SEM1: variants seen among roughly 807,000 people sequenced by gnomAD.
The protein encoded by SEM1 is 26S proteasome complex subunit SEM1.
Under a neutral mutation model 12.7 loss-of-function variants are expected in SEM1, and 3 were observed. That is an observed-to-expected ratio of 0.24 (90% CI 0.11 to 0.61). The LOEUF (loss-of-function observed/expected upper bound fraction) is 0.61, where lower values mean the gene tolerates loss of function less well. Ranked by LOEUF, SEM1 falls within the 20% of genes least tolerant of loss-of-function variation. The pLI, the probability that SEM1 is intolerant of heterozygous loss-of-function variation, is 0.88. For synonymous variants in SEM1, 30 were observed against 27.8 expected, an observed-to-expected ratio of 1.08 and a Z score of -0.25; for missense variants, 59 against 81.3, an observed-to-expected ratio of 0.73 and a Z score of 1.06.
intron 2 of SEM1, among the ~76,000 whole-genome samples, chr7:96,532,441 C>A (rs543722729): frequency 1.3e-5 from 2 of 152,218 alleles, no homozygotes; most frequent in Non-Finnish European, 2.9e-5. Flanking sequence ...ACAAAATAAA[C>A]AATGTTTACT....
chr7:96,641,835 A>T (rs1808620736), intron 2 of SEM1, among the ~76,000 whole-genome samples: 1 of 151,886 alleles, frequency 6.6e-6, no homozygotes, highest in Non-Finnish European at 1.5e-5. Context: ...TTTAATGTTT[A>T]TTAAGGTTTG....
At chr7:96,579,754 C>A (rs908611438) in intron 2 of SEM1, among the ~76,000 whole-genome samples, 2 of 152,094 alleles carry the variant, frequency 1.3e-5, no homozygotes, top group African/African-American at 4.8e-5. Flanking sequence ...TGAAACTACA[C>A]ATGTGATTAA....
intron 2 of SEM1, among the ~76,000 whole-genome samples, chr7:96,532,647 TA>T (rs752615393): frequency 1.0e-3 from 153 of 152,276 alleles, no homozygotes; most frequent in South Asian, 1.0e-3. Flanking sequence ...ATAACATGCT[TA>T]GCCAGGGTGT....
chr7:96,489,597 A>G lies in SEM1; in HGVS notation c.13-3180T>C, dbSNP rs1305714276. Among the ~76,000 whole-genome samples, 4 of 152,180 alleles carry G rather than the reference A, an allele frequency of 2.6e-5. No homozygotes were observed. The East Asian group carries it at 7.7e-4, about 29-fold the overall frequency. On this transcript the variant is annotated intron_variant, in intron 1 of 3. Coordinates refer to the SEM1 transcript ENST00000356686. ...GTATTAGTTTTCTAGACCTGCTGTAACAAATTACCTCAAACTGAGTGGCTT... is the reference window on the plus strand; with the variant it reads ...GTATTAGTTTTCTAGACCTGCTGTAGCAAATTACCTCAAACTGAGTGGCTT...
chr7:96,692,488 C>T (rs1417293291), intron 2 of SEM1, among the ~76,000 whole-genome samples: 1 of 152,038 alleles, frequency 6.6e-6, no homozygotes, highest in African/African-American at 2.4e-5. Context: ...CAAGGCGGAA[C>T]AAAAGGGAAT....
intron 2 of SEM1, among the ~76,000 whole-genome samples, chr7:96,509,326 T>A (rs1447320756): frequency 6.6e-6 from 1 of 151,984 alleles, no homozygotes; most frequent in East Asian, 1.9e-4. Flanking sequence ...ATCTTTATTA[T>A]CATCTGTGCT....
chr7:96,691,418 C>CA (rs1789930541), intron 2 of SEM1, among the ~76,000 whole-genome samples: 2 of 152,128 alleles, frequency 1.3e-5, no homozygotes, highest in Non-Finnish European at 2.9e-5. Flanking sequence ...TTATGTGTGA[C>CA]AAAAGTAGGT....
chr7:96,577,381 A>G (rs1806241284), intron 2 of SEM1, among the ~76,000 whole-genome samples: 1 of 152,202 alleles, frequency 6.6e-6, no homozygotes, highest in African/African-American at 2.4e-5. Context: ...AAAACCTTGC[A>G]AAGTGACTCT....
At chr7:96,654,774 C>A (rs1809124065) in intron 2 of SEM1, among the ~76,000 whole-genome samples, 1 of 152,144 alleles carries the variant, frequency 6.6e-6, no homozygotes, top group African/African-American at 2.4e-5. Context: ...AAATTGAGAT[C>A]TGTAGTGTGA....
intron 1 of SEM1, among the ~76,000 whole-genome samples, chr7:96,699,947 CA>C (rs900180011): frequency 6.6e-6 from 1 of 152,152 alleles, no homozygotes; most frequent in Non-Finnish European, 1.5e-5. Flanking sequence ...TTACTAAGTT[CA>C]AAGACAAATA....
intron 2 of SEM1, among the ~76,000 whole-genome samples, chr7:96,690,553 GAC>G (rs889097592): frequency 1.7e-4 from 26 of 152,058 alleles, no homozygotes; most frequent in African/African-American, 5.8e-4. Flanking sequence ...AATCAACAAA[GAC>G]AAAAATAGAA....
rs182274590 is a variant in SEM1, at chr7:96,663,375, G to A, written c.170+31423C>T. On this transcript the variant is annotated intron_variant, in intron 2 of 2. Coordinates refer to the SEM1 transcript ENST00000417009. ...TGTGCTAGTCTGGGTTCCCCAGGAG[G>A]TAGATGACAAGGTGGAATTAAAGGT... 2.2e-3 allele frequency among the ~76,000 whole-genome samples: 337 copies of A among 152,330 alleles called. 3 individuals are homozygous for A. Among genetic ancestry groups the A allele is most frequent in the African/African-American group, 7.8e-3 (325 of 41,566 alleles).
downstream of SEM1, among the ~76,000 whole-genome samples, chr7:96,672,190 C>G (rs967023962): frequency 6.6e-6 from 1 of 152,170 alleles, no homozygotes; most frequent in African/African-American, 2.4e-5. Context: ...GCACTTCTAT[C>G]CCTTTTCTTT....
At position 96,517,046 on chromosome 7, in the gene SEM1, G is replaced by A. The variant is rs116908668; in HGVS notation, c.171-10348C>T. On this transcript the variant is annotated intron_variant and NMD_transcript_variant, in intron 2 of 3. Transcript: ENST00000466986. Reference sequence around the variant, plus strand: ...GGTAAAACCATGGAGACAATAAAAAGATCAGTGGTTTGTAGGAGCTCTGGG... The same window carrying A: ...GGTAAAACCATGGAGACAATAAAAAAATCAGTGGTTTGTAGGAGCTCTGGG... Among the ~76,000 whole-genome samples, 414 of 152,236 alleles carry A rather than the reference G, an allele frequency of 2.7e-3. 1 individual carries two copies. Among genetic ancestry groups the A allele is most frequent in the South Asian group, 5.2e-3 (25 of 4,824 alleles).
At chr7:96,673,916 G>T in intron 2 of SEM1, 1 of 749,106 alleles carries the variant, frequency 1.3e-6, no homozygotes, top group South Asian at 1.4e-5. Flanking sequence ...TGTGATCTGT[G>T]GGCTGCTTGA....
chr7:96,676,498 C>T (rs528478871), intron 2 of SEM1, among the ~76,000 whole-genome samples: 1 of 152,308 alleles, frequency 6.6e-6, no homozygotes, highest in Non-Finnish European at 1.5e-5. Context: ...ATATTTAATA[C>T]TCCATGCTAT....
At chr7:96,580,819 T>C (rs1395171473) in intron 2 of SEM1, among the ~76,000 whole-genome samples, 4 of 152,180 alleles carry the variant, frequency 2.6e-5, no homozygotes, top group Non-Finnish European at 4.4e-5. Flanking sequence ...ATGGGGTTGT[T>C]TGTTTTTTCT....
downstream of SEM1, among the ~76,000 whole-genome samples, chr7:96,670,548 CA>C (rs1789288897): frequency 6.6e-6 from 1 of 152,040 alleles, no homozygotes; most frequent in South Asian, 2.1e-4. Context: ...TAATCAAATA[CA>C]AAACCATCTG....
chr7:96,628,774 G>A (rs1425737022), intron 2 of SEM1, among the ~76,000 whole-genome samples: 1 of 152,062 alleles, frequency 6.6e-6, no homozygotes. Flanking sequence ...GCTCATTAAT[G>A]TTCTTTTCTT....
Sources: gnomAD v4.1 joint callset for allele counts (sites outside exome capture counted in the v4.1 genomes callset) on GRCh38, gnomAD v4.1.1 for gene constraint, MANE v1.5 for transcripts, NCBI Gene and HGNC (gene_info 2026-07-23, HGNC 2026-07-21) for gene names.